The following DTNA variants were observed in gnomAD, a reference collection of about 807,000 sequenced individuals.
DTNA encodes dystrophin-related protein 3.
DTNA carries 43 observed loss-of-function variants against 100.7 expected under a neutral mutation model. The observed-to-expected ratio is 0.43, with a 90% confidence interval of 0.33 to 0.55. The LOEUF is 0.55. Among genes scored for constraint, DTNA ranks in the 20% least tolerant of loss-of-function variants. The pLI, the probability that DTNA is intolerant of heterozygous loss-of-function variation, is 0.04. For synonymous variants in DTNA, 349 were observed against 347.9 expected (o/e 1.00, Z -0.04); for missense variants, 798 against 953.9 (o/e 0.84, Z 2.15).
rs1321671850 is a variant in DTNA at position 34,882,096 on chromosome 18, G to T, written c.2190G>T (p.Val730=). Residue 730 remains valine (V), a synonymous_variant, in exon 21 of 23, where the codon GTG becomes GTT. Coordinates refer to ENST00000444659, the MANE Select transcript of DTNA (RefSeq NM_001386795.1). ...DMVTEDADPY[V]QPEDENYEND... The stretch of plus-strand genomic sequence containing the variant: ...TTACGGAGGATGCAGATCCCTATGT[G>T]CAGCCTGAAGATGAAAACTATGAAA... 1 of 1,613,926 alleles carries T rather than the reference G, an allele frequency of 6.2e-7. No individual in the cohort carries two copies. Among genetic ancestry groups the T allele is most frequent in the Non-Finnish European group, 8.5e-7 (1 of 1,179,964 alleles).
At chr18:34,650,162 C>T (rs1320772288) in intron 1 of DTNA, among the ~76,000 whole-genome samples, 1 of 152,176 alleles carries the variant, frequency 6.6e-6, no homozygotes, top group Admixed American at 6.5e-5. Flanking sequence ...AAGCAGATCT[C>T]TGATTACACT....
intron 17 of DTNA, chr18:34,866,195 T>C: frequency 6.2e-7 from 1 of 1,614,140 alleles, no homozygotes; most frequent in Non-Finnish European, 8.5e-7. Context: ...CCTGCGGTTT[T>C]CTCATTGCTT....
chr18:34,794,878 T>G (rs1288418336), intron 4 of DTNA, among the ~76,000 whole-genome samples: 1 of 152,198 alleles, frequency 6.6e-6, no homozygotes, highest in African/African-American at 2.4e-5. Flanking sequence ...CGTCCACATA[T>G]CTCATTTTAC....
At chr18:34,503,278 C>CTTTTTTTTTTTTT (rs1568548383) in intron 1 of DTNA, among the ~76,000 whole-genome samples, 1 of 112,570 alleles carries the variant, frequency 8.9e-6, no homozygotes, top group South Asian at 3.0e-4. Flanking sequence ...ATAATTGGCT[C>CTTTTTTTTTTTTT]ATTTTTTTTT....
At chr18:34,652,083 AAAGGAAGGAAGG>A (rs763039051) in intron 1 of DTNA, among the ~76,000 whole-genome samples, 1 of 151,206 alleles carries the variant, frequency 6.6e-6, no homozygotes, top group African/African-American at 2.4e-5. Context: ...AGAAAAGAAA[AAAGGAAGGAAGG>A]AAGGAAGGTA....
At chr18:34,806,541 G>A (rs778506457) in intron 5 of DTNA, among the ~76,000 whole-genome samples, 4 of 152,200 alleles carry the variant, frequency 2.6e-5, no homozygotes, top group South Asian at 2.1e-4. Context: ...TCACCAACTG[G>A]CCTCTTTCTG....
At chr18:34,685,720 A>G (rs1489904861) in intron 1 of DTNA, among the ~76,000 whole-genome samples, 2 of 152,196 alleles carry the variant, frequency 1.3e-5, no homozygotes, top group Admixed American at 1.3e-4. Flanking sequence ...TCTGTAAATT[A>G]CTTTGGGCAG....
chr18:34,636,593 A>G (rs954788388), intron 1 of DTNA, among the ~76,000 whole-genome samples: 2 of 152,188 alleles, frequency 1.3e-5, no homozygotes, highest in Non-Finnish European at 2.9e-5. Flanking sequence ...GCAAATGGTA[A>G]CACAGTGAAT....
Position 34,809,018 on chromosome 18 carries a change from T to G in DTNA, c.448+2714T>G, listed in dbSNP as rs1379528647. 3.9e-5 allele frequency among the ~76,000 whole-genome samples: 6 copies of G among 152,314 alleles called. No homozygotes were observed. The East Asian group carries it at 9.6e-4, about 24-fold the overall frequency. The stretch of plus-strand genomic sequence containing the variant: ...TATAGTTAATCCTGGGAAGATGGTT[T>G]TAGCAGTTTCCAGGTAACTTGGTTA... On this transcript the variant is annotated intron_variant, in intron 5 of 22. Transcript: ENST00000444659.
rs2096960380 is a variant in DTNA at position 34,890,674 on chromosome 18, A to G, written c.*2940A>G. 1.4e-6 allele frequency: 1 copy of G among 696,090 alleles called. No individual in the cohort carries two copies. Among genetic ancestry groups the G allele is most frequent in the African/African-American group, 1.8e-5 (1 of 55,622 alleles). 43.1% of individuals were successfully genotyped at this position (696,090 alleles called of 1,614,324 possible). A position where few individuals can be genotyped will look rare whatever the true frequency, so the allele number is the denominator to read the frequency against. ...ATTCAGGAAACAGTTGTGGTTGGTC[A>G]GGACGGAAGTTGGGGTAAGTTTGGT... On this transcript the variant is annotated 3_prime_UTR_variant, in exon 23 of 23. Coordinates refer to ENST00000444659, the MANE Select transcript of DTNA (RefSeq NM_001386795.1).
rs551604399 is a variant in DTNA at position 34,678,727 on chromosome 18, C to G, written c.-1-77249C>G. On this transcript the variant is annotated intron_variant, in intron 1 of 19. Transcript: ENST00000283365. ...CCTGGGTCACTCCCAGCCATAGGGT[C>G]AGGGATCTTGGGCATTGGGGCGGGC... 7.9e-5 allele frequency among the ~76,000 whole-genome samples: 12 copies of G among 152,148 alleles called. No homozygotes were observed. In the South Asian group the frequency reaches 2.5e-3, roughly 32 times the overall value.
At chr18:34,529,718 C>T (rs1172397028) in intron 1 of DTNA, among the ~76,000 whole-genome samples, 1 of 152,088 alleles carries the variant, frequency 6.6e-6, no homozygotes, top group Non-Finnish European at 1.5e-5. Context: ...TTTTAATGTA[C>T]TGTCTCTTAA....
chr18:34,665,115 C>T lies in DTNA; in HGVS notation c.-1-90861C>T, dbSNP rs985812581. 3.9e-5 allele frequency among the ~76,000 whole-genome samples: 6 copies of T among 152,042 alleles called. No homozygotes were observed. The East Asian group carries it at 1.2e-3, about 29-fold the overall frequency. On this transcript the variant is annotated intron_variant, in intron 1 of 19. Transcript: ENST00000283365. ...GGCCACCAGTTAAGGTAGAAATGCA[C>T]CACTAAAGGGCAAGACCTGAGCATT...
At position 34,681,729 on chromosome 18, in the gene DTNA, C is replaced by T. The variant is rs574981809; in HGVS notation, c.-1-74247C>T. On this transcript the variant is annotated intron_variant, in intron 1 of 19. Coordinates refer to the DTNA transcript ENST00000283365. ...ACACACACACACACACACACACACA[C>T]ACCCCACACACACACACCCTATGGA... Among the ~76,000 whole-genome samples the T allele has an allele frequency of 4.6e-3, 683 of 149,856 alleles. 6 individuals are homozygous for T. Among genetic ancestry groups the T allele is most frequent in the African/African-American group, 0.016 (634 of 39,882 alleles).
At position 34,838,846 on chromosome 18, in the gene DTNA, A is replaced by G; in HGVS notation, c.1346+9A>G. On this transcript the variant is annotated intron_variant, in intron 13 of 22. Transcript: ENST00000444659. ...CGGAACAACCCCTCATGGTTAGTGCAGGTTTGGCTGCTTGACTGTCCTTAG... is the reference window on the plus strand; with the variant it reads ...CGGAACAACCCCTCATGGTTAGTGCGGGTTTGGCTGCTTGACTGTCCTTAG... 6.2e-7 allele frequency: 1 copy of G among 1,612,862 alleles called. No homozygotes were observed. The highest frequency in any genetic ancestry group is 8.5e-7 in the Non-Finnish European group (1 of 1,179,040).
At chr18:34,791,820 C>T (rs1453719907) in intron 3 of DTNA, among the ~76,000 whole-genome samples, 1 of 152,074 alleles carries the variant, frequency 6.6e-6, no homozygotes, top group Non-Finnish European at 1.5e-5. Flanking sequence ...CTGCTAGGTA[C>T]CAGGAACTAC....
At chr18:34,767,582 C>G (rs951871465) in intron 3 of DTNA, 2 of 152,232 alleles carry the variant, frequency 1.3e-5, no homozygotes, top group Non-Finnish European at 2.9e-5. Flanking sequence ...GGGGCTGCCT[C>G]TGGTGAGAGT....
chr18:34,659,735 C>G (rs2074920872), intron 1 of DTNA, among the ~76,000 whole-genome samples: 1 of 152,132 alleles, frequency 6.6e-6, no homozygotes, highest in African/African-American at 2.4e-5. Flanking sequence ...CTTCCTCTCA[C>G]CAGCCCTTTC....
chr18:34,586,966 G>GTTTT (rs56229514), intron 1 of DTNA, among the ~76,000 whole-genome samples: 1 of 146,018 alleles, frequency 6.8e-6, no homozygotes. Context: ...AAAATCTTTA[G>GTTTT]TTTTTTTTTT....
Sources: gnomAD v4.1 joint callset for allele counts (sites outside exome capture counted in the v4.1 genomes callset) on GRCh38, gnomAD v4.1.1 for gene constraint, MANE v1.5 for transcripts, NCBI Gene and HGNC (gene_info 2026-07-23, HGNC 2026-07-21) for gene names.